Variants in KLHL2 observed in about 807,000 individuals in gnomAD.
KLHL2 encodes the protein kelch-like protein 2.
A neutral mutation model predicts 75.8 loss-of-function variants in KLHL2; 15 were observed. The ratio of observed to expected loss-of-function variants is 0.20; its 90% confidence interval spans 0.13 to 0.30. KLHL2 has a LOEUF of 0.30. Among genes scored for constraint, KLHL2 ranks in the 10% least tolerant of loss-of-function variants. KLHL2 has a pLI of 1.00. For synonymous variants in KLHL2, 214 were observed against 251.9 expected (o/e 0.85, Z 1.42); for missense variants, 381 against 741.0 (o/e 0.51, Z 5.64).
At chr4:165,264,863 T>C (rs1487586053) in intron 5 of KLHL2, among the ~76,000 whole-genome samples, 1 of 150,326 alleles carries the variant, frequency 6.7e-6, no homozygotes, top group Non-Finnish European at 1.5e-5. Context: ...TCTGGGTGTC[T>C]TTTTGATTTA....
chr4:165,314,133 G>C lies in KLHL2; in HGVS notation c.1576G>C (p.Val526Leu), dbSNP rs1746430347. The C allele has an allele frequency of 6.2e-7, 1 of 1,613,548 alleles. No homozygotes were observed. Among genetic ancestry groups the C allele is most frequent in the African/African-American group, 1.3e-5 (1 of 74,998 alleles). The change falls in exon 13 of 15, where the codon GTT becomes CTT. Residue 526 changes from valine (V) to leucine (L), a missense_variant. By Grantham distance (32) the Val-to-Leu change is conservative. Transcript: ENST00000226725. ...YDPTTNAWRQ[V>L]ADMNMCRRNA... is the part of the protein sequence containing the mutation. The stretch of plus-strand genomic sequence containing the variant: ...TCCCACCACTAACGCATGGAGACAG[G>C]TTGCAGATATGAACATGTGCAGAAG...
intron 5 of KLHL2, chr4:165,278,591 A>G: frequency 3.7e-6 from 6 of 1,603,264 alleles, no homozygotes; most frequent in Non-Finnish European, 5.1e-6. Flanking sequence ...AGAAGTACCT[A>G]CTTCTTTAGC....
chr4:165,218,827 T>G (rs1464953973), intron 1 of KLHL2, among the ~76,000 whole-genome samples: 1 of 152,232 alleles, frequency 6.6e-6, no homozygotes, highest in Non-Finnish European at 1.5e-5. Context: ...ATAATGATGT[T>G]TGCTTGTTCT....
chr4:165,309,894 TAGA>T (rs1560827795), intron 9 of KLHL2, among the ~76,000 whole-genome samples: 2 of 152,098 alleles, frequency 1.3e-5, no homozygotes, highest in Non-Finnish European at 2.9e-5. Context: ...GAATATCCAC[TAGA>T]AGATCCAAAA....
At chr4:165,286,526 G>C (rs1744106631) in intron 5 of KLHL2, among the ~76,000 whole-genome samples, 1 of 152,074 alleles carries the variant, frequency 6.6e-6, no homozygotes, top group East Asian at 1.9e-4. Flanking sequence ...CAGATTCAGT[G>C]GTCAGAAAGG....
intron 14 of KLHL2, among the ~76,000 whole-genome samples, chr4:165,318,355 G>T (rs775170121): frequency 2.0e-5 from 3 of 152,152 alleles, no homozygotes; most frequent in Non-Finnish European, 4.4e-5. Context: ...TAGTGAGGCT[G>T]TGGAATAATT....
At chr4:165,242,178 TG>T (rs1184626446) in intron 4 of KLHL2, among the ~76,000 whole-genome samples, 2 of 151,780 alleles carry the variant, frequency 1.3e-5, no homozygotes, top group African/African-American at 4.8e-5. Context: ...TCAACTTTTT[TG>T]TTGTTGTTGC....
At chr4:165,293,670 A>ATTTTTTTTTT (rs35736944) in intron 5 of KLHL2, among the ~76,000 whole-genome samples, 11 of 125,966 alleles carry the variant, frequency 8.7e-5, no homozygotes, top group East Asian at 2.3e-4. Flanking sequence ...TGCCTGGCTA[A>ATTTTTTTTTT]TTTTTTTTTT....
At chr4:165,274,592 G>C (rs1196690073) in intron 5 of KLHL2, among the ~76,000 whole-genome samples, 1 of 145,144 alleles carries the variant, frequency 6.9e-6, no homozygotes, top group Non-Finnish European at 1.5e-5. Context: ...CTGGGTGACA[G>C]AGTGAGACTA....
At chr4:165,276,805 T>C (rs548835146) in intron 5 of KLHL2, among the ~76,000 whole-genome samples, 13 of 152,286 alleles carry the variant, frequency 8.5e-5, no homozygotes, top group African/African-American at 3.1e-4. Flanking sequence ...CTTAGGTATT[T>C]AACTTTTTTG....
chr4:165,305,743 T>C lies in KLHL2; in HGVS notation c.1039+18T>C. 6.6e-7 allele frequency: 1 copy of C among 1,507,250 alleles called. No homozygotes were observed. The highest frequency in any genetic ancestry group is 9.2e-7 in the Non-Finnish European group (1 of 1,082,388). 93.4% of individuals were successfully genotyped at this position (1,507,250 alleles called of 1,614,324 possible). On this transcript the variant is annotated intron_variant, in intron 9 of 14. Transcript: ENST00000226725. ...CAGGGCAGGTAAGCATGATGCATCATGGTCAATTCTCTACTCCTGGGTCAT... is the reference window on the plus strand; with the variant it reads ...CAGGGCAGGTAAGCATGATGCATCACGGTCAATTCTCTACTCCTGGGTCAT...
At chr4:165,243,153 A>G (rs1184824039) in intron 4 of KLHL2, among the ~76,000 whole-genome samples, 1 of 152,222 alleles carries the variant, frequency 6.6e-6, no homozygotes, top group East Asian at 1.9e-4. Flanking sequence ...ATGCTATGTC[A>G]TTAGATGTGT....
At chr4:165,220,384 T>G (rs1737891350) in intron 2 of KLHL2, among the ~76,000 whole-genome samples, 1 of 152,088 alleles carries the variant, frequency 6.6e-6, no homozygotes, top group Non-Finnish European at 1.5e-5. Flanking sequence ...AATATATTGA[T>G]TCCATGTAGA....
At position 165,311,447 on chromosome 4, in the gene KLHL2, A is replaced by G. The variant is rs939502066; in HGVS notation, c.1238-17A>G. ...TTTTTTAGAGAAGGAAATGAAGACT[A>G]TTGTGCTTTATTATAGGTTTGTCAT... On this transcript the variant is annotated splice_polypyrimidine_tract_variant and intron_variant, in intron 10 of 14. Coordinates refer to ENST00000226725, the MANE Select transcript of KLHL2 (RefSeq NM_007246.4). 3 of 1,549,264 alleles carry G rather than the reference A, an allele frequency of 1.9e-6. No homozygotes were observed. Among genetic ancestry groups the G allele is most frequent in the East Asian group, 2.2e-5 (1 of 44,584 alleles).
chr4:165,309,650 T>C (rs1453803987), intron 9 of KLHL2, among the ~76,000 whole-genome samples: 1 of 152,220 alleles, frequency 6.6e-6, no homozygotes, highest in Non-Finnish European at 1.5e-5. Context: ...ATGGTGAAAT[T>C]TGAATTTCAT....
chr4:165,297,709 G>T lies in KLHL2; in HGVS notation c.755G>T (p.Arg252Leu). 1 of 1,609,854 alleles carries T rather than the reference G, an allele frequency of 6.2e-7. No individual in the cohort carries two copies. The highest frequency in any genetic ancestry group is 8.5e-7 in the Non-Finnish European group (1 of 1,176,156). The stretch of plus-strand genomic sequence containing the variant: ...CATGTACGGTTACCTTTGCTTCCTC[G>T]GGAATATTTAGTTCAGGTAAATGCA... ...MEHVRLPLLP[R>L]EYLVQRVEEE... Residue 252 changes from arginine (R) to leucine (L), a missense_variant, in exon 7 of 15, where the codon CGG becomes CTG. Physicochemically the swap from Arg to Leu is moderately radical, Grantham distance 102. Coordinates refer to ENST00000226725, the MANE Select transcript of KLHL2 (RefSeq NM_007246.4).
At chr4:165,273,564 T>C (rs1444357583) in intron 5 of KLHL2, among the ~76,000 whole-genome samples, 3 of 152,202 alleles carry the variant, frequency 2.0e-5, no homozygotes, top group Non-Finnish European at 2.9e-5. Flanking sequence ...GTTCTTGTGA[T>C]AGTAAGTCTC....
Position 165,323,099 on chromosome 4 carries a change from C to A in KLHL2, c.*1039C>A, listed in dbSNP as rs1243794654. ...TCAATTAATCTCACTTTAAAAATGA[C>A]CAAAACATGTCTTTCTTGAATTAAC... is the stretch of plus-strand genomic sequence containing the variant. On this transcript the variant is annotated 3_prime_UTR_variant, in exon 15 of 15. Transcript: ENST00000226725. The A allele has an allele frequency of 6.6e-6, 1 of 152,554 alleles. No individual in the cohort carries two copies. The allele number at this position is 152,554 out of a possible 1,614,324, so 9.5% of individuals were successfully genotyped here. A position where few individuals can be genotyped will look rare whatever the true frequency, so the allele number is the denominator to read the frequency against.
rs1413997681 is a variant in KLHL2 at position 165,219,408 on chromosome 4, TACTC to T, written c.27-524_27-521del. On this transcript the variant is annotated intron_variant, in intron 1 of 14. Coordinates refer to ENST00000226725, the MANE Select transcript of KLHL2 (RefSeq NM_007246.4). Reference sequence around the variant, plus strand: ...CAGCACAGGGCTGCCATATGGTAAATACTCAATAACTATTAACTAACATGATTAA... The same window carrying T: ...CAGCACAGGGCTGCCATATGGTAAATAATAACTATTAACTAACATGATTAA... Among the ~76,000 whole-genome samples, 17 of 152,386 alleles carry T rather than the reference TACTC, an allele frequency of 1.1e-4. No individual in the cohort carries two copies. In the East Asian group the frequency reaches 3.1e-3, roughly 28 times the overall value.
Sources: gnomAD v4.1 joint callset for allele counts (sites outside exome capture counted in the v4.1 genomes callset) on GRCh38, gnomAD v4.1.1 for gene constraint, MANE v1.5 for transcripts, NCBI Gene and HGNC (gene_info 2026-07-23, HGNC 2026-07-21) for gene names.